The following GSN variants were observed in gnomAD, a reference collection of about 807,000 sequenced individuals.
GSN encodes the protein actin-depolymerizing factor.
GSN carries 56 observed loss-of-function variants against 85.7 expected under a neutral mutation model. The ratio of observed to expected loss-of-function variants is 0.65; its 90% CI spans 0.53 to 0.82. GSN has a LOEUF of 0.82. Ranked by LOEUF, GSN falls within the 40% of genes least tolerant of loss-of-function variation. The pLI is 0.00. For missense variants in GSN, 857 were observed against 979.8 expected (o/e 0.87, Z 1.67); for synonymous variants, 373 against 399.1 (o/e 0.93, Z 0.78).
intron 5 of GSN, among the ~76,000 whole-genome samples, chr9:121,232,976 C>T (rs896122431): frequency 3.3e-5 from 5 of 152,182 alleles, no homozygotes; most frequent in Non-Finnish European, 5.9e-5. Context: ...GGATTAAAGA[C>T]GGCTACAAAT....
intron 13 of GSN, 110 bp downstream of exon 13, chr9:121,326,792 G>A (rs1048030638): frequency 9.9e-7 from 1 of 1,009,664 alleles, no homozygotes; most frequent in Non-Finnish European, 1.6e-6. Flanking sequence ...TGAATGACGG[G>A]GTAAGAAGCA....
intron 16 of GSN, 84 bp from the exon 17 acceptor site, chr9:121,331,304 T>C (rs2063858688): frequency 1.2e-6 from 1 of 810,874 alleles, no homozygotes; most frequent in South Asian, 1.4e-5. Flanking sequence ...TCTGGTCTGA[T>C]ACCTGGCCCC....
At chr9:121,208,297 A>C (rs1490925325) in intron 1 of GSN, among the ~76,000 whole-genome samples, 1 of 152,142 alleles carries the variant, frequency 6.6e-6, no homozygotes, top group Non-Finnish European at 1.5e-5. Flanking sequence ...ATCCATGTGA[A>C]TCAGGCACAC....
At chr9:121,227,947 A>G (rs2054301979) in intron 4 of GSN, among the ~76,000 whole-genome samples, 1 of 152,070 alleles carries the variant, frequency 6.6e-6, no homozygotes, top group South Asian at 2.1e-4. Flanking sequence ...CCAGGAATGC[A>G]CTACTTCTGG....
At chr9:121,222,616 T>C (rs1588424110) in intron 4 of GSN, among the ~76,000 whole-genome samples, 1 of 152,278 alleles carries the variant, frequency 6.6e-6, no homozygotes, top group East Asian at 1.9e-4. Context: ...TGCATTACAA[T>C]TACCTCTAGG....
chr9:121,286,137 C>T (rs1429523156), intron 2 of GSN: 10 of 1,535,562 alleles, frequency 6.5e-6, no homozygotes, highest in Non-Finnish European at 8.7e-6. Context: ...CTCCCCCCAG[C>T]CTCGCGATGG....
intron 1 of GSN, chr9:121,279,915 G>A (rs4837828): frequency 0.7 from 106,240 of 152,054 alleles, 37,400 homozygotes; most frequent in South Asian, 0.81. Flanking sequence ...GACCCACAGA[G>A]GTGGGCACCA....
Position 121,318,480 on chromosome 9 carries a change from C to A in GSN, c.961C>A (p.Pro321Thr). 6.2e-7 allele frequency: 1 copy of A among 1,613,194 alleles called. No individual in the cohort carries two copies. The highest frequency in any genetic ancestry group is 8.5e-7 in the Non-Finnish European group (1 of 1,179,142). The change falls in exon 9 of 18, where the codon CCC (proline) becomes ACC (threonine). Residue 321 changes from proline (P) to threonine (T), a missense_variant. Transcript: ENST00000432226. This position sits in a 1 kb window ranked among gnomAD's most constrained non-coding sequence, Gnocchi z 4.3. ...TGACTTCATCACCAAGATGGACTAC[C>A]CCAAGCAGACTCAGGTGAGTCTTGG... ...ASDFITKMDY[P>T]KQTQVSVLPE...
chr9:121,310,881 A>C, intron 5 of GSN, 36 bp downstream of exon 5: 7 of 1,607,034 alleles, frequency 4.4e-6, no homozygotes, highest in Non-Finnish European at 5.1e-6. Flanking sequence ...GGAGCCACTG[A>C]GGTGCTCCTG....
intron 17 of GSN, 34 bp downstream of exon 17, chr9:121,331,482 G>A: frequency 3.7e-6 from 4 of 1,074,688 alleles, no homozygotes; most frequent in Non-Finnish European, 5.6e-6. Context: ...CGGGGGGAGG[G>A]GTCCGTTGCT....
At chr9:121,290,050 G>A (rs2058541042) in intron 2 of GSN, among the ~76,000 whole-genome samples, 1 of 152,122 alleles carries the variant, frequency 6.6e-6, no homozygotes. Flanking sequence ...ATAAAGTGGA[G>A]AGGAGATGAG....
chr9:121,322,388 C>T (rs1322610992), intron 11 of GSN, among the ~76,000 whole-genome samples: 1 of 152,206 alleles, frequency 6.6e-6, no homozygotes, highest in Admixed American at 6.5e-5. Context: ...TTCTTTTTTA[C>T]AGTTGCATAA....
intron 5 of GSN, among the ~76,000 whole-genome samples, chr9:121,232,709 T>C (rs1019940057): frequency 1.3e-5 from 2 of 152,270 alleles, no homozygotes; most frequent in East Asian, 3.9e-4. Flanking sequence ...TAAAAAGTAT[T>C]TGTGTTTGTG....
intron 5 of GSN, among the ~76,000 whole-genome samples, chr9:121,232,242 T>C (rs2054404779): frequency 6.6e-6 from 1 of 152,252 alleles, no homozygotes; most frequent in Non-Finnish European, 1.5e-5. Context: ...TGTCCAGTGC[T>C]GAGCACAGGG....
At chr9:121,287,556 C>A (rs111720403) in intron 2 of GSN, among the ~76,000 whole-genome samples, 1 of 152,080 alleles carries the variant, frequency 6.6e-6, no homozygotes, top group Non-Finnish European at 1.5e-5. Flanking sequence ...GGGAACTGCT[C>A]GGCTCAAACT....
intron 7 of GSN, among the ~76,000 whole-genome samples, chr9:121,315,433 G>A (rs889555514): frequency 1.3e-5 from 2 of 152,162 alleles, no homozygotes; most frequent in Non-Finnish European, 2.9e-5. Flanking sequence ...ACAAGGAACT[G>A]CTGGTCACAG....
intron 4 of GSN, among the ~76,000 whole-genome samples, chr9:121,307,050 G>A (rs1010451805): frequency 6.6e-6 from 1 of 152,108 alleles, no homozygotes; most frequent in African/African-American, 2.4e-5. Flanking sequence ...GCGTGGTGGC[G>A]GGTGCCCGTA....
At chr9:121,262,727 T>A (rs2055113037) in intron 6 of GSN, among the ~76,000 whole-genome samples, 1 of 152,230 alleles carries the variant, frequency 6.6e-6, no homozygotes, top group African/African-American at 2.4e-5. Context: ...CTGGCAGTGC[T>A]TATATGGAAC....
chr9:121,300,042 C>G lies in GSN; in HGVS notation c.-9-1921C>G, dbSNP rs762383437. The G allele has an allele frequency of 3.8e-6, 6 of 1,567,954 alleles. No homozygotes were observed. The South Asian group carries it at 7.0e-5, about 18-fold the overall frequency. The stretch of plus-strand genomic sequence containing the variant: ...GGGGGCCCCGGGGCTCCCGGAGTAA[C>G]TCTCTATTGTAAGTTCTTGCAGATA... On this transcript the variant is annotated intron_variant, in intron 2 of 17. Coordinates refer to ENST00000432226, the MANE Select transcript of GSN (RefSeq NM_198252.3).
Sources: gnomAD v4.1 joint callset for allele counts (sites outside exome capture counted in the v4.1 genomes callset) on GRCh38, gnomAD v4.1.1 for gene constraint, Gnocchi (gnomAD v3.1) non-coding constraint, MANE v1.5 for transcripts, NCBI Gene and HGNC (gene_info 2026-07-23, HGNC 2026-07-21) for gene names.